HSD17B13: variants seen among roughly 807,000 people sequenced by gnomAD.
The protein encoded by HSD17B13 is 17-beta-hydroxysteroid dehydrogenase 13.
HSD17B13 carries 26 observed loss-of-function variants against 31.1 expected under a neutral mutation model. That is an observed-to-expected ratio of 0.84 (90% confidence interval 0.61 to 1.16). The LOEUF (loss-of-function observed/expected upper bound fraction) is 1.16. HSD17B13 is among the 50% of genes most tolerant of loss of function. HSD17B13 has a pLI of 0.00. For synonymous variants in HSD17B13, 141 were observed against 133.7 expected, an observed-to-expected ratio of 1.05 and a Z score of -0.38; for missense variants, 374 against 366.5, an observed-to-expected ratio of 1.02 and a Z score of -0.17.
In HSD17B13 at chr4:87,322,777, A is replaced by G. The variant is rs1734818772; in HGVS notation, c.65T>C (p.Leu22Ser). ...ITIIYSYLESLVKFFIPQRRK... is the reference protein window; with the variant it reads ...ITIIYSYLESSVKFFIPQRRK... ...CCTCTGAGGAATGAAAAACTTCACC[A>G]ACGACTCCAAGTAGGAGTAGATGAT... The change falls in exon 1 of 7, where the codon TTG becomes TCG. Residue 22 changes from leucine (L) to serine (S), a missense_variant. Coordinates refer to ENST00000328546, the MANE Select transcript of HSD17B13 (RefSeq NM_178135.5). 10 of 1,613,406 alleles carry G rather than the reference A, an allele frequency of 6.2e-6. No individual in the cohort carries two copies. Among genetic ancestry groups the G allele is most frequent in the Non-Finnish European group, 5.9e-6 (7 of 1,179,418 alleles).
intron 4 of HSD17B13, among the ~76,000 whole-genome samples, chr4:87,314,641 TCACACA>T (rs1553956168): frequency 1.1e-4 from 16 of 142,140 alleles, no homozygotes; most frequent in African/African-American, 1.5e-4. Context: ...TCTCTCTCTC[TCACACA>T]CACACACACA....
chr4:87,322,139 A>G (rs948795225), intron 1 of HSD17B13, among the ~76,000 whole-genome samples: 1 of 152,192 alleles, frequency 6.6e-6, no homozygotes, highest in Non-Finnish European at 1.5e-5. Flanking sequence ...AATATTACTT[A>G]TTTAATCCTT....
intron 1 of HSD17B13, among the ~76,000 whole-genome samples, chr4:87,320,387 T>G (rs1016546279): frequency 3.0e-5 from 4 of 132,252 alleles, no homozygotes; most frequent in Non-Finnish European, 6.2e-5. Context: ...CTTCAGTTTT[T>G]TTTTTTTTTT....
chr4:87,311,239 C>T (rs1170398996), intron 5 of HSD17B13, among the ~76,000 whole-genome samples: 1 of 152,164 alleles, frequency 6.6e-6, no homozygotes, highest in Non-Finnish European at 1.5e-5. Context: ...CCTTGTTTAG[C>T]ATATAATCAA....
chr4:87,315,948 T>A (rs1175923027), intron 3 of HSD17B13, among the ~76,000 whole-genome samples: 1 of 152,172 alleles, frequency 6.6e-6, no homozygotes, highest in South Asian at 2.1e-4. Context: ...TGTCATATAA[T>A]TTTTTGGTTT....
At chr4:87,311,087 G>A (rs1272446078) in intron 5 of HSD17B13, among the ~76,000 whole-genome samples, 1 of 152,174 alleles carries the variant, frequency 6.6e-6, no homozygotes, top group African/African-American at 2.4e-5. Context: ...AGCAAGCTAA[G>A]AGACACTTCC....
In HSD17B13 at chr4:87,304,843, G is replaced by A. The variant is rs1190857801; in HGVS notation, c.*375C>T. 1 of 155,812 alleles carries A rather than the reference G, an allele frequency of 6.4e-6. No individual in the cohort carries two copies. Among genetic ancestry groups the A allele is most frequent in the Non-Finnish European group, 1.4e-5 (1 of 70,600 alleles). The allele number at this position is 155,812 out of a possible 1,614,324, so 9.7% of individuals were successfully genotyped here. On this transcript the variant is annotated 3_prime_UTR_variant, in exon 7 of 7. Coordinates refer to ENST00000328546, the MANE Select transcript of HSD17B13 (RefSeq NM_178135.5). Reference sequence around the variant, plus strand: ...TATTCTGTGGCATGGCTACAGATTGGAATGCTACTTGAACAGTCTTAAACC... The same window carrying A: ...TATTCTGTGGCATGGCTACAGATTGAAATGCTACTTGAACAGTCTTAAACC...
intron 6 of HSD17B13, among the ~76,000 whole-genome samples, 189 bp downstream of exon 6, chr4:87,310,054 A>G (rs963628984): frequency 6.6e-6 from 1 of 152,030 alleles, no homozygotes; most frequent in African/African-American, 2.4e-5. Flanking sequence ...AATCCCAGTT[A>G]CTTGGGGGTC....
rs1205230004 is a variant in HSD17B13, at chr4:87,317,347, A to T, written c.319-124T>A. 4 of 926,308 alleles carry T rather than the reference A, an allele frequency of 4.3e-6. No homozygotes were observed. In the African/African-American group the frequency reaches 6.6e-5, roughly 15 times the overall value. The allele number at this position is 926,308 out of a possible 1,614,324, so 57.4% of individuals were successfully genotyped here. A position where few individuals can be genotyped will look rare whatever the true frequency, so the allele number is the denominator to read the frequency against. On this transcript the variant is annotated intron_variant, in intron 2 of 6. Coordinates refer to ENST00000328546, the MANE Select transcript of HSD17B13 (RefSeq NM_178135.5). ...TGAGGTCTCTCAGAGTTCAGGCAAG[A>T]CAGACTGTTGAGCTCAAATCGTGGA...
intron 6 of HSD17B13, 64 bp from the exon 7 acceptor site, chr4:87,305,372 G>A: frequency 9.1e-7 from 1 of 1,102,324 alleles, no homozygotes; most frequent in Non-Finnish European, 1.3e-6. Context: ...ACAGAGTTCT[G>A]TTTTTGGTCA....
At chr4:87,311,570 A>G (rs1360925968) in intron 5 of HSD17B13, among the ~76,000 whole-genome samples, 3 of 152,170 alleles carry the variant, frequency 2.0e-5, no homozygotes, top group African/African-American at 7.2e-5. Context: ...GGCTGTGTAC[A>G]TGTACTCTTG....
In HSD17B13 at chr4:87,304,407, T is replaced by C. The variant is rs555626991; in HGVS notation, c.*811A>G. 1 of 152,386 alleles carries C rather than the reference T, an allele frequency of 6.6e-6. No individual in the cohort carries two copies. The highest frequency in any genetic ancestry group is 2.1e-4 in the South Asian group (1 of 4,828). The allele number at this position is 152,386 out of a possible 1,614,324, so 9.4% of individuals were successfully genotyped here. A position where few individuals can be genotyped will look rare whatever the true frequency, so the allele number is the denominator to read the frequency against. On this transcript the variant is annotated 3_prime_UTR_variant, in exon 7 of 7. Transcript: ENST00000328546. Reference sequence around the variant, plus strand: ...CCATTGTTTCTTATGTAATAGCCAGTACAGTTCCTTTTCCTGTGTTAGCTT... The same window carrying C: ...CCATTGTTTCTTATGTAATAGCCAGCACAGTTCCTTTTCCTGTGTTAGCTT...
intron 1 of HSD17B13, among the ~76,000 whole-genome samples, chr4:87,319,770 C>T (rs1269560560): frequency 6.6e-6 from 1 of 152,218 alleles, no homozygotes; most frequent in Non-Finnish European, 1.5e-5. Context: ...ATGTACCAAA[C>T]TTGCCCATAA....
intron 3 of HSD17B13, among the ~76,000 whole-genome samples, chr4:87,316,113 A>G (rs1397595441): frequency 6.6e-6 from 1 of 152,214 alleles, no homozygotes; most frequent in African/African-American, 2.4e-5. Flanking sequence ...TGTTGATGTT[A>G]CAGAAAACAA....
chr4:87,305,179 T>C lies in HSD17B13; in HGVS notation c.*39A>G, dbSNP rs1734360219. 3.1e-6 allele frequency: 4 copies of C among 1,275,944 alleles called. No individual in the cohort carries two copies. The African/African-American group carries it at 6.0e-5, about 19-fold the overall frequency. The allele number at this position is 1,275,944 out of a possible 1,614,324, so 79.0% of individuals were successfully genotyped here. A position where few individuals can be genotyped will look rare whatever the true frequency, so the allele number is the denominator to read the frequency against. Reference sequence around the variant, plus strand: ...CAGCATTGATTCGAAACTATTCATATCATTATCATGCATACATCTCTGGCT... The same window carrying C: ...CAGCATTGATTCGAAACTATTCATACCATTATCATGCATACATCTCTGGCT... On this transcript the variant is annotated 3_prime_UTR_variant, in exon 7 of 7. Coordinates refer to ENST00000328546, the MANE Select transcript of HSD17B13 (RefSeq NM_178135.5).
chr4:87,318,817 A>T (rs932767206), intron 1 of HSD17B13, among the ~76,000 whole-genome samples: 3 of 149,302 alleles, frequency 2.0e-5, no homozygotes, highest in African/African-American at 2.5e-5. Context: ...AAAAAAAAAA[A>T]TTAACATTCA....
chr4:87,311,931 G>C (rs1283307450), intron 5 of HSD17B13, among the ~76,000 whole-genome samples: 2 of 152,198 alleles, frequency 1.3e-5, no homozygotes, highest in African/African-American at 4.8e-5. Flanking sequence ...TCGGAGCCAA[G>C]TGTGACATTA....
intron 1 of HSD17B13, among the ~76,000 whole-genome samples, chr4:87,320,343 T>G (rs906731243): frequency 6.6e-6 from 1 of 151,936 alleles, no homozygotes; most frequent in Non-Finnish European, 1.5e-5. Context: ...TACCAGAGCA[T>G]TCATCAGATG....
chr4:87,310,451 C>A, intron 5 of HSD17B13, 92 bp from the exon 6 acceptor site: 1 of 1,220,684 alleles, frequency 8.2e-7, no homozygotes, highest in South Asian at 3.0e-5. Flanking sequence ...TATATTTTTA[C>A]TAAATTTAGA....
Sources: gnomAD v4.1 joint callset for allele counts (sites outside exome capture counted in the v4.1 genomes callset) on GRCh38, gnomAD v4.1.1 for gene constraint, MANE v1.5 for transcripts, NCBI Gene and HGNC (gene_info 2026-07-23, HGNC 2026-07-21) for gene names.